ZNF804A: variants seen among roughly 807,000 people sequenced by gnomAD.
The protein encoded by ZNF804A is zinc finger protein 804A.
Under a neutral mutation model 16.5 loss-of-function variants are expected in ZNF804A, and 2 were observed. The observed-to-expected ratio is 0.12, with a 90% CI of 0.05 to 0.38. ZNF804A has a LOEUF of 0.38. Among genes scored for constraint, ZNF804A ranks in the 10% least tolerant of loss-of-function variants. The pLI is 0.99. For missense variants in ZNF804A, 1,473 were observed against 1,390.7 expected (o/e 1.06, Z -0.94); for synonymous variants, 534 against 489.6 (o/e 1.09, Z -1.20).
chr2:184,600,590 G>GT (rs1192863253), intron 1 of ZNF804A, among the ~76,000 whole-genome samples: 2 of 152,096 alleles, frequency 1.3e-5, no homozygotes, highest in Non-Finnish European at 2.9e-5. Flanking sequence ...AGTACACACT[G>GT]TTTTTTCAAT....
intron 1 of ZNF804A, among the ~76,000 whole-genome samples, chr2:184,674,270 G>T (rs989889510): frequency 1.3e-5 from 2 of 151,708 alleles, no homozygotes; most frequent in South Asian, 4.2e-4. Context: ...CTTTTAATTG[G>T]TTGGCTTCAG....
chr2:184,919,264 C>T (rs1227493141), intron 2 of ZNF804A, among the ~76,000 whole-genome samples: 1 of 152,176 alleles, frequency 6.6e-6, no homozygotes, highest in African/African-American at 2.4e-5. Context: ...ATCCAATGTA[C>T]TCAACCTGCC....
intron 1 of ZNF804A, among the ~76,000 whole-genome samples, chr2:184,813,993 C>CTTTTTTTTTTTTTTTTTTT (rs1163432699): frequency 2.0e-5 from 1 of 49,186 alleles, no homozygotes; most frequent in Non-Finnish European, 3.7e-5. Context: ...AGAAAGGCAG[C>CTTTTTTTTTTTTTTTTTTT]TTTTTTTTTT....
chr2:184,881,032 C>A (rs949739832), intron 2 of ZNF804A, among the ~76,000 whole-genome samples: 1 of 151,886 alleles, frequency 6.6e-6, no homozygotes, highest in Non-Finnish European at 1.5e-5. Context: ...TAAAATGATA[C>A]AGTAGATTAT....
chr2:184,708,659 C>T (rs1408762450), intron 1 of ZNF804A, among the ~76,000 whole-genome samples: 1 of 152,030 alleles, frequency 6.6e-6, no homozygotes, highest in East Asian at 1.9e-4. Context: ...CAAATATTAA[C>T]TCAAGATGGG....
At chr2:184,866,691 T>C (rs906496688) in intron 2 of ZNF804A, among the ~76,000 whole-genome samples, 179 bp downstream of exon 2, 71 of 151,110 alleles carry the variant, frequency 4.7e-4, no homozygotes, top group African/African-American at 1.6e-3. Flanking sequence ...TTTTTTTTTT[T>C]TAAAAAAAAA....
intron 1 of ZNF804A, among the ~76,000 whole-genome samples, chr2:184,802,302 C>T (rs1480010947): frequency 1.3e-5 from 2 of 152,192 alleles, no homozygotes; most frequent in Admixed American, 1.3e-4. Flanking sequence ...AAGTTAGGCT[C>T]TGCTCAAGTC....
chr2:184,802,869 G>C (rs1451767277), intron 1 of ZNF804A, among the ~76,000 whole-genome samples: 1 of 152,038 alleles, frequency 6.6e-6, no homozygotes, highest in Non-Finnish European at 1.5e-5. Flanking sequence ...CTGATCAAAA[G>C]GATGAACTTT....
chr2:184,736,123 T>A (rs1402157647), intron 1 of ZNF804A, among the ~76,000 whole-genome samples: 2 of 152,254 alleles, frequency 1.3e-5, no homozygotes, highest in South Asian at 4.1e-4. Context: ...TTCTAACACA[T>A]GCACATGCCT....
At chr2:184,882,248 A>T (rs1487193893) in intron 2 of ZNF804A, among the ~76,000 whole-genome samples, 1 of 152,082 alleles carries the variant, frequency 6.6e-6, no homozygotes, top group African/African-American at 2.4e-5. Flanking sequence ...TTACAAGAAG[A>T]TCTAACTATG....
At chr2:184,718,642 G>A (rs529536038) in intron 1 of ZNF804A, among the ~76,000 whole-genome samples, 2 of 152,168 alleles carry the variant, frequency 1.3e-5, no homozygotes, top group East Asian at 1.9e-4. Flanking sequence ...AAAATCCAGT[G>A]GGCAGTCAAA....
chr2:184,893,049 T>G (rs1685013220), intron 2 of ZNF804A, among the ~76,000 whole-genome samples: 1 of 152,116 alleles, frequency 6.6e-6, no homozygotes, highest in Non-Finnish European at 1.5e-5. Flanking sequence ...ACACCTAAAG[T>G]TTAGAAACAC....
intron 2 of ZNF804A, among the ~76,000 whole-genome samples, chr2:184,869,155 T>C (rs181767615): frequency 9.2e-5 from 14 of 152,016 alleles, no homozygotes; most frequent in Admixed American, 2.6e-4. Flanking sequence ...ATTTCTGAAA[T>C]CCAAAATACT....
chr2:184,719,725 A>G (rs1427235591), intron 1 of ZNF804A, among the ~76,000 whole-genome samples: 2 of 152,162 alleles, frequency 1.3e-5, no homozygotes, highest in African/African-American at 2.4e-5. Flanking sequence ...TCTTTGTCTG[A>G]GACCACCTCA....
intron 2 of ZNF804A, among the ~76,000 whole-genome samples, chr2:184,878,389 T>C (rs945547039): frequency 6.6e-6 from 1 of 151,972 alleles, no homozygotes; most frequent in Non-Finnish European, 1.5e-5. Context: ...TGTAAAAATA[T>C]ACAATGGGCT....
At chr2:184,719,536 A>G (rs182513368) in intron 1 of ZNF804A, among the ~76,000 whole-genome samples, 1 of 152,240 alleles carries the variant, frequency 6.6e-6, no homozygotes, top group East Asian at 1.9e-4. Context: ...GCCTTTAACA[A>G]CAAGCAAGTC....
At chr2:184,874,276 G>C (rs188012073) in intron 2 of ZNF804A, among the ~76,000 whole-genome samples, 122 of 152,038 alleles carry the variant, frequency 8.0e-4, no homozygotes, top group Non-Finnish European at 9.0e-4. Context: ...CATAGGAGAC[G>C]TAACCATGTG....
chr2:184,678,062 A>G (rs1435521241), intron 1 of ZNF804A, among the ~76,000 whole-genome samples: 1 of 152,080 alleles, frequency 6.6e-6, no homozygotes, highest in Non-Finnish European at 1.5e-5. Context: ...AAGCACAGTA[A>G]TAATTAATTA....
At chr2:184,720,477 G>A (rs1049708301) in intron 1 of ZNF804A, among the ~76,000 whole-genome samples, 7 of 151,900 alleles carry the variant, frequency 4.6e-5, no homozygotes, top group Non-Finnish European at 7.4e-5. Context: ...AACTAGCTAA[G>A]AAGAAAATCA....
Sources: allele counts gnomAD v4.1 joint callset (sites outside exome capture counted in the v4.1 genomes callset), GRCh38; gene constraint gnomAD v4.1.1; transcripts MANE v1.5; gene names NCBI Gene and HGNC (gene_info 2026-07-23, HGNC 2026-07-21).